GABRB3: variants seen among roughly 807,000 people sequenced by gnomAD.
GABRB3 encodes gamma-aminobutyric acid receptor subunit beta-3.
In GABRB3, 14 loss-of-function variants were observed where a neutral mutation model predicts 52.1. The observed-to-expected ratio is 0.27, with a 90% CI of 0.18 to 0.42. The LOEUF (loss-of-function observed/expected upper bound fraction) is 0.42. Among genes scored for constraint, GABRB3 ranks in the 10% least tolerant of loss-of-function variants. GABRB3 has a pLI of 1.00. For missense variants in GABRB3, 307 were observed against 609.1 expected (o/e 0.50, Z 5.22); for synonymous variants, 260 against 232.3 (o/e 1.12, Z -1.08).
At chr15:26,662,950 T>A (rs562804808) in intron 3 of GABRB3, among the ~76,000 whole-genome samples, 22 of 152,106 alleles carry the variant, frequency 1.4e-4, no homozygotes, top group Admixed American at 1.4e-3. Flanking sequence ...ATGCCCAGTG[T>A]CCCCCAAGGC....
intron 3 of GABRB3, among the ~76,000 whole-genome samples, chr15:26,718,629 T>G (rs1325113213): frequency 6.6e-6 from 1 of 152,070 alleles, no homozygotes; most frequent in Non-Finnish European, 1.5e-5. Flanking sequence ...TATACTCTCG[T>G]CTATAGTTAT....
At position 26,580,167 on chromosome 15, in the gene GABRB3, A is replaced by T. The variant is rs1595456375; in HGVS notation, c.682+152T>A. 4 of 916,270 alleles carry T rather than the reference A, an allele frequency of 4.4e-6. No individual in the cohort carries two copies. The East Asian group carries it at 7.7e-5, about 18-fold the overall frequency. 56.8% of individuals were successfully genotyped at this position (916,270 alleles called of 1,614,324 possible). ...CAAAGCCTATCACTCTCCTTTAGAT[A>T]CAGAGAGGAGGGGTGTGTGTGATGT... On this transcript the variant is annotated intron_variant, in intron 6 of 8. Transcript: ENST00000311550.
At chr15:26,702,510 C>T (rs1449648018) in intron 3 of GABRB3, among the ~76,000 whole-genome samples, 1 of 152,196 alleles carries the variant, frequency 6.6e-6, no homozygotes. Flanking sequence ...AAATCAGGAG[C>T]ACTGCAAATC....
intron 3 of GABRB3, among the ~76,000 whole-genome samples, chr15:26,632,583 T>C (rs1892940917): frequency 6.6e-6 from 1 of 152,196 alleles, no homozygotes; most frequent in Non-Finnish European, 1.5e-5. Context: ...AGAAGAAATC[T>C]GGAGAATTCA....
intron 3 of GABRB3, among the ~76,000 whole-genome samples, chr15:26,697,516 T>C (rs916179916): frequency 6.6e-6 from 1 of 152,008 alleles, no homozygotes; most frequent in Non-Finnish European, 1.5e-5. Flanking sequence ...CCTGGCACAC[T>C]CTCTCAGGTC....
intron 4 of GABRB3, among the ~76,000 whole-genome samples, chr15:26,606,725 C>T (rs61998669): frequency 0.49 from 71,399 of 144,278 alleles, 18,982 homozygotes; most frequent in Middle Eastern, 0.6. Flanking sequence ...ATTGTCAACG[C>T]AATCATATAT....
chr15:26,759,317 CA>C (rs1890748710), intron 3 of GABRB3, among the ~76,000 whole-genome samples: 1 of 152,100 alleles, frequency 6.6e-6, no homozygotes, highest in Non-Finnish European at 1.5e-5. Context: ...TGCAGTGGCG[CA>C]ATCTTGGCTC....
chr15:26,769,469 T>G (rs749119408), intron 3 of GABRB3, among the ~76,000 whole-genome samples: 3 of 152,218 alleles, frequency 2.0e-5, no homozygotes, highest in Non-Finnish European at 2.9e-5. Context: ...TATAGGCTCC[T>G]TATTTCCTGA....
At chr15:26,601,429 A>G (rs1447527320) in intron 4 of GABRB3, among the ~76,000 whole-genome samples, 1 of 152,090 alleles carries the variant, frequency 6.6e-6, no homozygotes, top group South Asian at 2.1e-4. Context: ...AAAAAAATTG[A>G]AAGGATTCAA....
intron 3 of GABRB3, among the ~76,000 whole-genome samples, chr15:26,736,236 G>A (rs1485195359): frequency 1.3e-5 from 2 of 152,184 alleles, no homozygotes; most frequent in African/African-American, 4.8e-5. Flanking sequence ...TAAATTTTAT[G>A]TATTTTACCT....
chr15:26,773,314 C>A (rs1891213309), upstream of GABRB3, among the ~76,000 whole-genome samples: 1 of 150,582 alleles, frequency 6.6e-6, no homozygotes, highest in Non-Finnish European at 1.5e-5. Flanking sequence ...ACCTCTGGGA[C>A]CGCGGAGTGC....
chr15:26,748,005 C>T (rs1391809742), intron 3 of GABRB3, among the ~76,000 whole-genome samples: 11 of 114,604 alleles, frequency 9.6e-5, no homozygotes, highest in African/African-American at 3.6e-4. Flanking sequence ...TTTAGCCTGT[C>T]AATACTGTGG....
chr15:26,714,564 G>A (rs1467186096), intron 3 of GABRB3, among the ~76,000 whole-genome samples: 1 of 152,174 alleles, frequency 6.6e-6, no homozygotes, highest in Non-Finnish European at 1.5e-5. Context: ...CAGGTCATAG[G>A]TAGATAAGAG....
At chr15:26,557,076 C>T (rs1250638749) in intron 8 of GABRB3, among the ~76,000 whole-genome samples, 4 of 152,170 alleles carry the variant, frequency 2.6e-5, no homozygotes, top group South Asian at 4.1e-4. Context: ...GGTACATATA[C>T]ACCATGGAAT....
At chr15:26,548,272 G>A (rs111706226) in intron 8 of GABRB3, 138 bp from the exon 9 acceptor site, 25 of 755,004 alleles carry the variant, frequency 3.3e-5, no homozygotes, top group African/African-American at 2.6e-4. Flanking sequence ...CCAGCACTCC[G>A]TTTTATTGGA....
At chr15:26,557,214 A>G (rs558911900) in intron 8 of GABRB3, among the ~76,000 whole-genome samples, 2 of 152,282 alleles carry the variant, frequency 1.3e-5, no homozygotes, top group African/African-American at 4.8e-5. Flanking sequence ...TATAAGTAGG[A>G]GCTAAACACT....
At chr15:26,719,237 A>T (rs1889581426) in intron 3 of GABRB3, among the ~76,000 whole-genome samples, 1 of 152,252 alleles carries the variant, frequency 6.6e-6, no homozygotes, top group Non-Finnish European at 1.5e-5. Flanking sequence ...TTTGCTCCAC[A>T]AATGTGGGAC....
At position 26,621,921 on chromosome 15, in the gene GABRB3, A is replaced by G. The variant is rs1379551787; in HGVS notation, c.241-387T>C. ...CACCAGGCAGACAGGTGCTTTAACA[A>G]CCTACAACAGATGAGCTCTATCTAC... On this transcript the variant is annotated intron_variant, in intron 3 of 8. Transcript: ENST00000311550. The surrounding 1 kb of genome is among the most constrained non-coding windows in gnomAD (Gnocchi z 4.1). Among the ~76,000 whole-genome samples, 2 of 150,314 alleles carry G rather than the reference A, an allele frequency of 1.3e-5. No individual in the cohort carries two copies. The highest frequency in any genetic ancestry group is 6.7e-5 in the Admixed American group (1 of 14,986).
At chr15:26,590,700 G>A (rs1163731501) in intron 4 of GABRB3, among the ~76,000 whole-genome samples, 3 of 149,756 alleles carry the variant, frequency 2.0e-5, no homozygotes, top group Non-Finnish European at 4.4e-5. Flanking sequence ...CTATCCAAAG[G>A]CTTTTGCTAT....
Sources: allele counts gnomAD v4.1 joint callset (sites outside exome capture counted in the v4.1 genomes callset), GRCh38; gene constraint gnomAD v4.1.1; non-coding constraint Gnocchi (gnomAD v3.1); transcripts MANE v1.5; gene names NCBI Gene and HGNC (gene_info 2026-07-23, HGNC 2026-07-21).